Variants in BBS4 observed in about 807,000 individuals in gnomAD.
BBS4 encodes the protein Bardet-Biedl syndrome 4.
Under a neutral mutation model 71.4 loss-of-function variants are expected in BBS4, and 58 were observed. The observed-to-expected ratio is 0.81, with a 90% confidence interval of 0.66 to 1.01. The LOEUF (loss-of-function observed/expected upper bound fraction) is 1.01, where lower values mean the gene tolerates loss of function less well. Among genes scored for constraint, BBS4 ranks in the 50% least tolerant of loss-of-function variants. The probability of loss-of-function intolerance (pLI) is 0.00; values close to 1 mark genes in which losing one functional copy is unlikely to be tolerated. For missense variants in BBS4, 660 were observed against 607.9 expected (o/e 1.09, Z -0.90); for synonymous variants, 228 against 216.8 (o/e 1.05, Z -0.46).
rs59816410 is a variant in BBS4, at chr15:72,702,802, C to CTTTTTTTTTTTTTTTT, written c.77-6890_77-6875dup. Among the ~76,000 whole-genome samples the CTTTTTTTTTTTTTTTT allele has an allele frequency of 2.4e-4, 18 of 73,494 alleles. 2 individuals are homozygous for CTTTTTTTTTTTTTTTT. The East Asian group carries it at 2.5e-3, about 10-fold the overall frequency. 48.2% of individuals were successfully genotyped at this position (73,494 alleles called of 152,430 possible). A position where few individuals can be genotyped will look rare whatever the true frequency, so the allele number is the denominator to read the frequency against. On this transcript the variant is annotated intron_variant, in intron 2 of 15. Coordinates refer to ENST00000268057, the MANE Select transcript of BBS4 (RefSeq NM_033028.5). ...TTTTTGGTATAGTGAGGAGCTGACT[C>CTTTTTTTTTTTTTTTT]TTTTTTTTTTTTTTTTTTTTTTTGA...
intron 2 of BBS4, chr15:72,704,462 TTCAAC>T (rs1293658710): frequency 1.6e-6 from 2 of 1,287,502 alleles, no homozygotes; most frequent in South Asian, 2.5e-5. Flanking sequence ...ATACCAGAAA[TTCAAC>T]TTATATATTT....
chr15:72,702,893 C>T (rs1035468676), intron 2 of BBS4, among the ~76,000 whole-genome samples: 8 of 137,910 alleles, frequency 5.8e-5, no homozygotes, highest in South Asian at 2.5e-4. Context: ...CTGCAAGCTC[C>T]GCCTTCCGGG....
chr15:72,693,044 T>A (rs2065015224), intron 1 of BBS4, among the ~76,000 whole-genome samples: 1 of 152,142 alleles, frequency 6.6e-6, no homozygotes, highest in Non-Finnish European at 1.5e-5. Flanking sequence ...CTTTAATGAG[T>A]ACCAAAGAAA....
intron 6 of BBS4, among the ~76,000 whole-genome samples, chr15:72,717,797 T>G (rs146077597): frequency 9.8e-5 from 15 of 152,288 alleles, no homozygotes; most frequent in Admixed American, 5.9e-4. Context: ...TCTCTAACTA[T>G]TCTCTACAAC....
At chr15:72,721,421 C>G (rs771398175) in intron 6 of BBS4, among the ~76,000 whole-genome samples, 10 of 151,986 alleles carry the variant, frequency 6.6e-5, no homozygotes, top group South Asian at 2.1e-4. Context: ...GTACCTAATT[C>G]TGTCTGCACT....
Position 72,735,815 on chromosome 15 carries a change from T to C in BBS4, c.1107-10T>C, listed in dbSNP as rs1157055283. On this transcript the variant is annotated splice_polypyrimidine_tract_variant and intron_variant, in intron 13 of 15. Coordinates refer to ENST00000268057, the MANE Select transcript of BBS4 (RefSeq NM_033028.5). ...AGCCCCCAGCTCCATAGAATCTCTG[T>C]CTGCCACAGGTGTAACCCTTTAGTA... is the stretch of plus-strand genomic sequence containing the variant. 1.2e-6 allele frequency: 2 copies of C among 1,614,132 alleles called. No individual in the cohort carries two copies. The highest frequency in any genetic ancestry group is 1.1e-5 in the South Asian group (1 of 91,070).
chr15:72,737,009 CAT>C (rs1485873272), intron 15 of BBS4, 46 bp downstream of exon 15: 2 of 1,587,026 alleles, frequency 1.3e-6, no homozygotes, highest in African/African-American at 2.7e-5. Context: ...GTACAAGCCA[CAT>C]GTGTCTGTCA....
chr15:72,689,180 A>G (rs1356638586), intron 1 of BBS4, among the ~76,000 whole-genome samples: 4 of 152,220 alleles, frequency 2.6e-5, no homozygotes, highest in Admixed American at 2.6e-4. Context: ...ATAAGGATAT[A>G]TGGATATGGA....
chr15:72,686,424 G>A, intron 1 of BBS4, 173 bp downstream of exon 1: 13 of 1,534,050 alleles, frequency 8.5e-6, no homozygotes, highest in Non-Finnish European at 1.1e-5. Context: ...GTCGCCTGGG[G>A]CAAGTCTGGA....
At chr15:72,687,134 T>TTTTTTTTTTTTTTTTTTTTTTA (rs60080079) in intron 1 of BBS4, among the ~76,000 whole-genome samples, 2 of 140,478 alleles carry the variant, frequency 1.4e-5, no homozygotes, top group Admixed American at 7.3e-5. Flanking sequence ...CTTTTTTTTT[T>TTTTTTTTTTTTTTTTTTTTTTA]GAGACGGAGT....
In BBS4 at chr15:72,737,843, C is replaced by G; in HGVS notation, c.*256C>G. ...GTTCCTTTAAGAACTGGCAGCAAGGCTTGAGGCCTTATGTATGTAGCTGAG... is the reference window on the plus strand; with the variant it reads ...GTTCCTTTAAGAACTGGCAGCAAGGGTTGAGGCCTTATGTATGTAGCTGAG... On this transcript the variant is annotated 3_prime_UTR_variant, in exon 16 of 16. Coordinates refer to ENST00000268057, the MANE Select transcript of BBS4 (RefSeq NM_033028.5). The G allele has an allele frequency of 2.0e-6, 1 of 505,728 alleles. No homozygotes were observed. Among genetic ancestry groups the G allele is most frequent in the Non-Finnish European group, 3.8e-6 (1 of 260,500 alleles). 31.3% of individuals were successfully genotyped at this position (505,728 alleles called of 1,614,324 possible). A position where few individuals can be genotyped will look rare whatever the true frequency, so the allele number is the denominator to read the frequency against.
chr15:72,694,008 C>G (rs1489075388), intron 1 of BBS4, among the ~76,000 whole-genome samples: 1 of 151,998 alleles, frequency 6.6e-6, no homozygotes, highest in Non-Finnish European at 1.5e-5. Flanking sequence ...CCTCAGCCTC[C>G]CAAGTAGCTG....
intron 6 of BBS4, among the ~76,000 whole-genome samples, chr15:72,720,420 A>G (rs569396556): frequency 1.7e-4 from 26 of 150,798 alleles, no homozygotes; most frequent in Admixed American, 1.5e-3. Flanking sequence ...TTGAGGCTGC[A>G]GTGATGCGGT....
intron 15 of BBS4, chr15:72,737,191 A>G (rs2065943229): frequency 1.6e-6 from 1 of 625,666 alleles, no homozygotes; most frequent in Non-Finnish European, 2.8e-6. Flanking sequence ...TGGTCTATAC[A>G]CTGGTCTTTC....
intron 1 of BBS4, chr15:72,686,519 G>C: frequency 6.6e-7 from 1 of 1,507,856 alleles, no homozygotes; most frequent in South Asian, 1.2e-5. Flanking sequence ...CACCAGTAAT[G>C]GCTCTTACCG....
At chr15:72,710,876 C>T (rs181178078) in intron 3 of BBS4, among the ~76,000 whole-genome samples, 12 of 151,868 alleles carry the variant, frequency 7.9e-5, no homozygotes, top group Middle Eastern at 3.4e-3. Flanking sequence ...CTGCAACCCC[C>T]GCTTTCCAGT....
At chr15:72,729,830 T>C in intron 10 of BBS4, 146 bp downstream of exon 10, 1 of 685,624 alleles carries the variant, frequency 1.5e-6, no homozygotes, top group South Asian at 1.7e-5. Context: ...TGGCTCTTCT[T>C]ATTTGAAAAT....
intron 6 of BBS4, among the ~76,000 whole-genome samples, chr15:72,720,994 C>G (rs899594637): frequency 6.6e-6 from 1 of 152,202 alleles, no homozygotes; most frequent in Non-Finnish European, 1.5e-5. Context: ...CTTAACAATT[C>G]CTACTGTAGA....
At chr15:72,686,539 CTT>C in intron 1 of BBS4, 1 of 1,484,582 alleles carries the variant, frequency 6.7e-7, no homozygotes, top group Non-Finnish European at 9.0e-7. Flanking sequence ...GTAGTGCCAT[CTT>C]TTTCTGTCTC....
Sources: gnomAD v4.1 joint callset for allele counts (sites outside exome capture counted in the v4.1 genomes callset) on GRCh38, gnomAD v4.1.1 for gene constraint, MANE v1.5 for transcripts, NCBI Gene and HGNC (gene_info 2026-07-23, HGNC 2026-07-21) for gene names.